The following NBEA variants were observed in gnomAD, a reference collection of about 807,000 sequenced individuals.
NBEA encodes neurobeachin.
NBEA carries 44 observed loss-of-function variants against 343.4 expected under a neutral mutation model. The observed-to-expected ratio is 0.13, with a 90% confidence interval of 0.10 to 0.16. The LOEUF is 0.16. Among genes scored for constraint, NBEA ranks in the 10% least tolerant of loss-of-function variants. The pLI is 1.00. For synonymous variants in NBEA, 1,175 were observed against 1,238.7 expected, an observed-to-expected ratio of 0.95 and a Z score of 1.08; for missense variants, 2,555 against 3,631.3, an observed-to-expected ratio of 0.70 and a Z score of 7.62.
intron 38 of NBEA, among the ~76,000 whole-genome samples, chr13:35,406,894 C>T: frequency 6.6e-6 from 1 of 151,264 alleles, no homozygotes; most frequent in Non-Finnish European, 1.5e-5. Context: ...AATACTTGCT[C>T]TTATGTCTTA....
At chr13:35,504,251 T>C (rs1299933003) in intron 41 of NBEA, among the ~76,000 whole-genome samples, 3 of 152,170 alleles carry the variant, frequency 2.0e-5, no homozygotes, top group African/African-American at 7.2e-5. Context: ...AACACTGCAA[T>C]CCAAGCAAAG....
At chr13:35,155,884 T>A in intron 19 of NBEA, 29 bp downstream of exon 19, 2 of 1,579,356 alleles carry the variant, frequency 1.3e-6, no homozygotes, top group Non-Finnish European at 1.7e-6. Flanking sequence ...TTTACTGTAT[T>A]GTGGTAGGCG....
chr13:35,349,593 A>G lies in NBEA; in HGVS notation c.6012+377A>G, dbSNP rs1314610979. 2.0e-5 allele frequency among the ~76,000 whole-genome samples: 3 copies of G among 149,472 alleles called. No individual in the cohort carries two copies. The East Asian group carries it at 5.9e-4, about 29-fold the overall frequency. Reference sequence around the variant, plus strand: ...AGTTATATGAATAAACTCATATAAGATTCAAAAAAATCTTTCAATTTCTGT... The same window carrying G: ...AGTTATATGAATAAACTCATATAAGGTTCAAAAAAATCTTTCAATTTCTGT... On this transcript the variant is annotated intron_variant, in intron 37 of 58. Transcript: ENST00000379939.
chr13:35,334,644 C>T (rs1359319515), intron 36 of NBEA, among the ~76,000 whole-genome samples: 6 of 152,242 alleles, frequency 3.9e-5, no homozygotes, highest in South Asian at 4.1e-4. Context: ...GTTTGCCATT[C>T]GTGTGTCTTC....
intron 53 of NBEA, among the ~76,000 whole-genome samples, chr13:35,654,294 T>C (rs1454058431): frequency 2.0e-5 from 3 of 152,176 alleles, no homozygotes; most frequent in Non-Finnish European, 4.4e-5. Flanking sequence ...TAGCCCTTTC[T>C]GGAAAGGCCT....
At chr13:35,230,951 A>T (rs1420444625) in intron 33 of NBEA, among the ~76,000 whole-genome samples, 1 of 152,030 alleles carries the variant, frequency 6.6e-6, no homozygotes, top group East Asian at 1.9e-4. Context: ...ATTCTGATCC[A>T]CATTAAAGCT....
chr13:35,477,539 T>C (rs2075929814), intron 41 of NBEA, among the ~76,000 whole-genome samples: 1 of 152,174 alleles, frequency 6.6e-6, no homozygotes, highest in Non-Finnish European at 1.5e-5. Context: ...CGTTATTTCA[T>C]AGTGACCTGT....
rs148085685 is a variant in NBEA, at chr13:35,167,674, G to A, written c.4234-1313G>A. On this transcript the variant is annotated intron_variant, in intron 24 of 58. Coordinates refer to ENST00000379939, the MANE Select transcript of NBEA (RefSeq NM_001385012.1). Reference sequence around the variant, plus strand: ...TTAGTATGTAGTTTGGCCAATCTTTGCTTTGGGAAAGCAGCATTATTTTTG... The same window carrying A: ...TTAGTATGTAGTTTGGCCAATCTTTACTTTGGGAAAGCAGCATTATTTTTG... Among the ~76,000 whole-genome samples the A allele has an allele frequency of 3.3e-5, 5 of 151,908 alleles. No homozygotes were observed. The East Asian group carries it at 9.7e-4, about 29-fold the overall frequency.
intron 34 of NBEA, among the ~76,000 whole-genome samples, chr13:35,240,259 T>G (rs944253599): frequency 6.6e-6 from 1 of 151,900 alleles, no homozygotes; most frequent in Non-Finnish European, 1.5e-5. Context: ...CGGATCATTG[T>G]ATTATGAAGT....
At chr13:35,485,058 G>T (rs1232268445) in intron 41 of NBEA, among the ~76,000 whole-genome samples, 1 of 151,958 alleles carries the variant, frequency 6.6e-6, no homozygotes, top group Non-Finnish European at 1.5e-5. Flanking sequence ...CACCCATTTG[G>T]TAAGAAGATT....
At chr13:35,043,757 T>C (rs1240235015) in intron 2 of NBEA, among the ~76,000 whole-genome samples, 1 of 151,952 alleles carries the variant, frequency 6.6e-6, no homozygotes, top group Non-Finnish European at 1.5e-5. Flanking sequence ...CATTTTGAAA[T>C]ATACAAATGA....
At chr13:35,260,040 T>TATCTTTA (rs1291033445) in intron 34 of NBEA, among the ~76,000 whole-genome samples, 1 of 152,212 alleles carries the variant, frequency 6.6e-6, no homozygotes, top group African/African-American at 2.4e-5. Flanking sequence ...AAGATATGGT[T>TATCTTTA]ATCTTTAATA....
intron 1 of NBEA, among the ~76,000 whole-genome samples, chr13:34,992,206 GTGTGTGTGTGTGTATA>G (rs1185528009): frequency 5.8e-5 from 8 of 137,230 alleles, no homozygotes; most frequent in South Asian, 4.7e-4. Context: ...ATATGTGTGT[GTGTGTGTGTGTGTATA>G]TGTGTGTGTG....
intron 10 of NBEA, among the ~76,000 whole-genome samples, chr13:35,084,170 G>A (rs1234696589): frequency 6.6e-6 from 1 of 152,038 alleles, no homozygotes; most frequent in African/African-American, 2.4e-5. Flanking sequence ...AGATCAACGA[G>A]ACAGAAAGTT....
At chr13:35,501,725 G>A (rs536187543) in intron 41 of NBEA, among the ~76,000 whole-genome samples, 2 of 152,110 alleles carry the variant, frequency 1.3e-5, no homozygotes, top group Non-Finnish European at 1.5e-5. Flanking sequence ...TTAATATATG[G>A]TAAATGTAAT....
intron 33 of NBEA, among the ~76,000 whole-genome samples, chr13:35,219,817 A>G (rs2152760383): frequency 6.6e-6 from 1 of 152,294 alleles, no homozygotes; most frequent in South Asian, 2.1e-4. Flanking sequence ...ATTCAGGCAG[A>G]AGGAGTTTGC....
chr13:35,515,420 T>C (rs1364251236), intron 41 of NBEA, among the ~76,000 whole-genome samples: 1 of 152,146 alleles, frequency 6.6e-6, no homozygotes, highest in Non-Finnish European at 1.5e-5. Context: ...ACATAATGAC[T>C]GTTACCTTTT....
At chr13:34,964,704 G>C (rs17051768) in intron 1 of NBEA, among the ~76,000 whole-genome samples, 12,277 of 151,986 alleles carry the variant, frequency 0.081, 615 homozygotes, top group African/African-American at 0.13. Context: ...GTTTTGCTAA[G>C]TGGAGCTTAA....
intron 38 of NBEA, among the ~76,000 whole-genome samples, chr13:35,428,282 C>T (rs191477215): frequency 2.0e-5 from 3 of 152,230 alleles, no homozygotes; most frequent in Middle Eastern, 3.4e-3. Context: ...GCTCCTCCCC[C>T]ACCCGCCATT....
Sources: allele counts gnomAD v4.1 joint callset (sites outside exome capture counted in the v4.1 genomes callset), GRCh38; gene constraint gnomAD v4.1.1; transcripts MANE v1.5; gene names NCBI Gene and HGNC (gene_info 2026-07-23, HGNC 2026-07-21).